CLNK: variants seen among roughly 807,000 people sequenced by gnomAD.
The protein encoded by CLNK is cytokine dependent hematopoietic cell linker.
A neutral mutation model predicts 68.6 loss-of-function variants in CLNK; 74 were observed. The observed-to-expected ratio is 1.08, with a 90% CI of 0.89 to 1.31. The LOEUF is 1.31. Among genes scored for constraint, CLNK ranks in the 50% most tolerant of loss-of-function variants. The probability of loss-of-function intolerance (pLI) is 0.00; values close to 1 mark genes in which losing one functional copy is unlikely to be tolerated. For synonymous variants in CLNK, 198 were observed against 172.2 expected (o/e 1.15, Z -1.17); for missense variants, 553 against 515.3 (o/e 1.07, Z -0.71).
the CLNK span, among the ~76,000 whole-genome samples, chr4:10,728,681 C>T: frequency 4.7e-5 from 7 of 150,248 alleles, no homozygotes; most frequent in African/African-American, 7.4e-5. Flanking sequence ...TCCCACCTCC[C>T]GGGTTCACAC....
At chr4:10,663,717 G>T (rs1724282908) in intron 2 of CLNK, among the ~76,000 whole-genome samples, 1 of 152,120 alleles carries the variant, frequency 6.6e-6, no homozygotes, top group Non-Finnish European at 1.5e-5. Flanking sequence ...TGCTTAGTGA[G>T]AGATAGTCCT....
At chr4:10,611,357 G>T (rs1194762473) in intron 2 of CLNK, among the ~76,000 whole-genome samples, 1 of 152,066 alleles carries the variant, frequency 6.6e-6, no homozygotes, top group Non-Finnish European at 1.5e-5. Flanking sequence ...AATTAGCTGG[G>T]CATGGTGGCG....
upstream of CLNK, among the ~76,000 whole-genome samples, chr4:10,686,474 C>T (rs1725277835): frequency 1.3e-5 from 2 of 151,490 alleles, no homozygotes; most frequent in Non-Finnish European, 2.9e-5. Flanking sequence ...TGTTTGTTGG[C>T]AATCATGTCA....
the CLNK span, among the ~76,000 whole-genome samples, chr4:10,698,835 C>T: frequency 1.2e-4 from 18 of 152,156 alleles, no homozygotes; most frequent in Non-Finnish European, 4.4e-5. Flanking sequence ...GTGAGTAAAG[C>T]AGATTGCTCT....
chr4:10,627,552 G>T lies in CLNK; in HGVS notation c.12-29503C>A, dbSNP rs533185340. Among the ~76,000 whole-genome samples the T allele has an allele frequency of 2.0e-4, 30 of 152,284 alleles. No individual in the cohort carries two copies. The South Asian group carries it at 6.2e-3, about 32-fold the overall frequency. On this transcript the variant is annotated intron_variant, in intron 2 of 18. Coordinates refer to ENST00000226951, the MANE Select transcript of CLNK (RefSeq NM_052964.4). Reference sequence around the variant, plus strand: ...ATTGCCACTTGGAACCATGACTGGAGCGTAGTGGATACTGTCAAGGCCAGG... The same window carrying T: ...ATTGCCACTTGGAACCATGACTGGATCGTAGTGGATACTGTCAAGGCCAGG...
At chr4:10,595,618 G>C (rs1055734274) in intron 3 of CLNK, among the ~76,000 whole-genome samples, 1 of 152,136 alleles carries the variant, frequency 6.6e-6, no homozygotes, top group Non-Finnish European at 1.5e-5. Context: ...TGGTTGGGCT[G>C]TGGGGGCCTG....
chr4:10,734,693 C>T, the CLNK span, among the ~76,000 whole-genome samples: 17 of 152,312 alleles, frequency 1.1e-4, no homozygotes, highest in Admixed American at 9.1e-4. Flanking sequence ...AAAGCTCATC[C>T]CTTTCTGGCC....
upstream of CLNK, among the ~76,000 whole-genome samples, chr4:10,688,239 C>G (rs775605963): frequency 1.3e-5 from 2 of 152,030 alleles, no homozygotes; most frequent in African/African-American, 4.8e-5. Flanking sequence ...AGCGGATGTG[C>G]GGTGTGTGTA....
chr4:10,498,130 G>A (rs757433410), intron 18 of CLNK, among the ~76,000 whole-genome samples: 2 of 152,050 alleles, frequency 1.3e-5, no homozygotes, highest in Non-Finnish European at 2.9e-5. Flanking sequence ...GGGAGGCAGA[G>A]GTTGTGGTGA....
intron 1 of CLNK, among the ~76,000 whole-genome samples, chr4:10,670,310 T>C (rs530969579): frequency 6.6e-6 from 1 of 152,364 alleles, no homozygotes; most frequent in Non-Finnish European, 1.5e-5. Flanking sequence ...ATTACAGTCA[T>C]ACAGGACAAA....
At chr4:10,697,759 C>T in the CLNK span, 5 of 152,268 alleles carry the variant, frequency 3.3e-5, no homozygotes, top group East Asian at 9.7e-4. Context: ...TAAATTGGCT[C>T]TTCACTCTCC....
chr4:10,724,681 A>C, the CLNK span, among the ~76,000 whole-genome samples: 1 of 152,200 alleles, frequency 6.6e-6, no homozygotes, highest in Non-Finnish European at 1.5e-5. Context: ...GGAATGAATG[A>C]ATGAATTTAT....
intron 8 of CLNK, among the ~76,000 whole-genome samples, chr4:10,558,172 C>T (rs575136027): frequency 6.6e-6 from 1 of 152,118 alleles, no homozygotes; most frequent in South Asian, 2.1e-4. Context: ...CAAAATTGCA[C>T]AACAAAGAAT....
chr4:10,642,741 G>T (rs1481335503), intron 2 of CLNK, among the ~76,000 whole-genome samples: 1 of 152,158 alleles, frequency 6.6e-6, no homozygotes, highest in Non-Finnish European at 1.5e-5. Flanking sequence ...TAATAGCTGG[G>T]TAGCTGGGAA....
At chr4:10,559,975 T>A (rs1719822816) in intron 7 of CLNK, among the ~76,000 whole-genome samples, 1 of 152,058 alleles carries the variant, frequency 6.6e-6, no homozygotes, top group East Asian at 1.9e-4. Flanking sequence ...AGAACTCAGT[T>A]GTGACAACCA....
At chr4:10,537,709 T>TTCTTTCTTTCTTTCTTTCTTTC (rs1718847434) in intron 11 of CLNK, among the ~76,000 whole-genome samples, 1 of 100,934 alleles carries the variant, frequency 9.9e-6, no homozygotes, top group African/African-American at 3.9e-5. Flanking sequence ...CTTCCTTCCT[T>TTCTTTCTTTCTTTCTTTCTTTC]TCTTTCTTTC....
chr4:10,594,332 G>A (rs564899715), intron 3 of CLNK, among the ~76,000 whole-genome samples: 15 of 152,292 alleles, frequency 9.8e-5, no homozygotes, highest in African/African-American at 3.4e-4. Context: ...GTCACTTAGC[G>A]AGTAGGGGCA....
At chr4:10,605,218 A>G (rs1721739849) in intron 2 of CLNK, among the ~76,000 whole-genome samples, 2 of 152,212 alleles carry the variant, frequency 1.3e-5, no homozygotes, top group African/African-American at 4.8e-5. Context: ...TCCTTAAAAT[A>G]AATCTCTCTT....
intron 8 of CLNK, among the ~76,000 whole-genome samples, chr4:10,544,673 A>G (rs2108810825): frequency 6.6e-6 from 1 of 152,258 alleles, no homozygotes; most frequent in South Asian, 2.1e-4. Flanking sequence ...CTGACAGAGG[A>G]AACAGCAAGG....
Sources: gnomAD v4.1 joint callset for allele counts (sites outside exome capture counted in the v4.1 genomes callset) on GRCh38, gnomAD v4.1.1 for gene constraint, MANE v1.5 for transcripts, NCBI Gene and HGNC (gene_info 2026-07-23, HGNC 2026-07-21) for gene names.